Variants in SLC5A3 observed in about 807,000 individuals in gnomAD.
SLC5A3 encodes the protein solute carrier family 5 member 3.
Under a neutral mutation model 43.2 loss-of-function variants are expected in SLC5A3, and 10 were observed. That is an observed-to-expected ratio of 0.23 (90% CI 0.14 to 0.39). The LOEUF is 0.39. Ranked by LOEUF, SLC5A3 falls within the 10% of genes least tolerant of loss-of-function variation. The probability of loss-of-function intolerance (pLI) is 1.00; values close to 1 mark genes in which losing one functional copy is unlikely to be tolerated. For synonymous variants in SLC5A3, 349 were observed against 322.0 expected (o/e 1.08, Z -0.90); for missense variants, 608 against 893.4 (o/e 0.68, Z 4.07).
rs1428452230 is a variant in SLC5A3, at chr21:34,102,420, G to GT, written c.*5072dup. 1.0e-6 allele frequency: 1 copy of GT among 999,832 alleles called. No homozygotes were observed. The highest frequency in any genetic ancestry group is 1.2e-6 in the Non-Finnish European group (1 of 829,632). The allele number at this position is 999,832 out of a possible 1,614,324, so 61.9% of individuals were successfully genotyped here. On this transcript the variant is annotated 3_prime_UTR_variant, in exon 2 of 2. Coordinates refer to ENST00000381151, the MANE Select transcript of SLC5A3 (RefSeq NM_006933.7). ...AACTTCTTTATAAAAAGAGGGATTA[G>GT]TTTTTTTGTTTTGGGGTAAGCACCT...
At position 34,100,683 on chromosome 21, in the gene SLC5A3, G is replaced by A. The variant is rs1979196336; in HGVS notation, c.*3328G>A. ...AGAACTGAGTTGAGGGGGTTGTTAT[G>A]CACTTCTGTAACTTGAGGCTAAGCA... On this transcript the variant is annotated 3_prime_UTR_variant, in exon 2 of 2. Coordinates refer to ENST00000381151, the MANE Select transcript of SLC5A3 (RefSeq NM_006933.7). 4.0e-6 allele frequency: 4 copies of A among 1,000,214 alleles called. No individual in the cohort carries two copies. The highest frequency in any genetic ancestry group is 1.0e-3 in the Middle Eastern group (2 of 1,916). The allele number at this position is 1,000,214 out of a possible 1,614,324, so 62.0% of individuals were successfully genotyped here.
intron 1 of SLC5A3, among the ~76,000 whole-genome samples, chr21:34,074,277 A>T (rs1476150665): frequency 6.6e-6 from 1 of 151,864 alleles, no homozygotes; most frequent in Non-Finnish European, 1.5e-5. Flanking sequence ...GTTCCTCCAA[A>T]GCTTGTTTGT....
chr21:34,081,216 G>A (rs1479996422), intron 1 of SLC5A3, among the ~76,000 whole-genome samples: 1 of 152,046 alleles, frequency 6.6e-6, no homozygotes, highest in Admixed American at 6.5e-5. Context: ...ACTGGAAATT[G>A]TAGATAATGC....
chr21:34,077,440 C>T (rs909560485), intron 1 of SLC5A3, among the ~76,000 whole-genome samples: 2 of 152,088 alleles, frequency 1.3e-5, no homozygotes, highest in African/African-American at 4.8e-5. Context: ...TTATGAAAGC[C>T]CTGGGATAAT....
In SLC5A3 at chr21:34,099,698, A is replaced by C. The variant is rs1231356684; in HGVS notation, c.*2343A>C. 3 of 998,156 alleles carry C rather than the reference A, an allele frequency of 3.0e-6. No individual in the cohort carries two copies. The African/African-American group carries it at 5.2e-5, about 17-fold the overall frequency. 61.8% of individuals were successfully genotyped at this position (998,156 alleles called of 1,614,324 possible). On this transcript the variant is annotated 3_prime_UTR_variant, in exon 2 of 2. Transcript: ENST00000381151. ...TTCTGCTCTTGTCTTAGTAAGATACATAAGGTACATCATCTTGTGTCTGTG... is the reference window on the plus strand; with the variant it reads ...TTCTGCTCTTGTCTTAGTAAGATACCTAAGGTACATCATCTTGTGTCTGTG...
intron 1 of SLC5A3, among the ~76,000 whole-genome samples, chr21:34,074,949 C>T (rs1226675132): frequency 6.6e-6 from 1 of 152,230 alleles, no homozygotes; most frequent in Non-Finnish European, 1.5e-5. Context: ...TCCAGACAGC[C>T]TGGCCAGGCA....
chr21:34,104,447 G>A lies in SLC5A3; in HGVS notation c.*7092G>A, dbSNP rs540631380. 9.8e-5 allele frequency: 98 copies of A among 999,816 alleles called. No individual in the cohort carries two copies. In the East Asian group the frequency reaches 4.0e-3, roughly 40 times the overall value. The allele number at this position is 999,816 out of a possible 1,614,324, so 61.9% of individuals were successfully genotyped here. On this transcript the variant is annotated 3_prime_UTR_variant, in exon 2 of 2. Transcript: ENST00000381151. ...CTTAAATTTTGCCCATGTGTTAAAA[G>A]ATGTAATTCTCAGAATGGGAGAGAA...
At position 34,105,035 on chromosome 21, in the gene SLC5A3, TC is replaced by T. The variant is rs1318662490; in HGVS notation, c.*7681del. 16 of 999,950 alleles carry T rather than the reference TC, an allele frequency of 1.6e-5. No homozygotes were observed. Among genetic ancestry groups the T allele is most frequent in the Non-Finnish European group, 1.8e-5 (15 of 829,848 alleles). The allele number at this position is 999,950 out of a possible 1,614,324, so 61.9% of individuals were successfully genotyped here. ...CTCTAACTTTTGAGTGGCAAACAGA[TC>T]AAGTCTTTTGCTCATAGACTTTTCT... On this transcript the variant is annotated 3_prime_UTR_variant, in exon 2 of 2. Coordinates refer to ENST00000381151, the MANE Select transcript of SLC5A3 (RefSeq NM_006933.7).
chr21:34,080,571 A>G (rs1244237245), intron 1 of SLC5A3, among the ~76,000 whole-genome samples: 2 of 152,216 alleles, frequency 1.3e-5, no homozygotes, highest in African/African-American at 2.4e-5. Flanking sequence ...CATTAAACAA[A>G]TATCAAGGGC....
intron 1 of SLC5A3, among the ~76,000 whole-genome samples, chr21:34,075,910 CACA>C (rs1277099105): frequency 2.0e-5 from 3 of 152,218 alleles, no homozygotes; most frequent in African/African-American, 7.2e-5. Context: ...TGTGAGCTTG[CACA>C]CCGGTAGCAG....
rs536690857 is a variant in SLC5A3 at position 34,106,076 on chromosome 21, G to T, written c.*8721G>T. Reference sequence around the variant, plus strand: ...CTCTGTAAAATACACTGTTCTTTGTGTACTGTGTGTTATTTTGCCAGCTGC... The same window carrying T: ...CTCTGTAAAATACACTGTTCTTTGTTTACTGTGTGTTATTTTGCCAGCTGC... On this transcript the variant is annotated 3_prime_UTR_variant, in exon 2 of 2. Coordinates refer to ENST00000381151, the MANE Select transcript of SLC5A3 (RefSeq NM_006933.7). 340 of 998,502 alleles carry T rather than the reference G, an allele frequency of 3.4e-4. No individual in the cohort carries two copies. The South Asian group carries it at 7.0e-3, about 21-fold the overall frequency. The allele number at this position is 998,502 out of a possible 1,614,324, so 61.9% of individuals were successfully genotyped here.
At position 34,100,479 on chromosome 21, in the gene SLC5A3, G is replaced by A. The variant is rs1979185316; in HGVS notation, c.*3124G>A. The A allele has an allele frequency of 1.0e-6, 1 of 1,000,062 alleles. No individual in the cohort carries two copies. The allele number at this position is 1,000,062 out of a possible 1,614,324, so 61.9% of individuals were successfully genotyped here. On this transcript the variant is annotated 3_prime_UTR_variant, in exon 2 of 2. Coordinates refer to ENST00000381151, the MANE Select transcript of SLC5A3 (RefSeq NM_006933.7). ...AGCATCAAGCAATAGCAATGGTGCT[G>A]TGTCCTTCGGCCTAAATTCAATAGA...
rs1979340098 is a variant in SLC5A3, at chr21:34,103,479, G to A, written c.*6124G>A. ...ACTTATGTTCTGTGATCTTAATTTT[G>A]TTGTGTTTCCATTGTAGGTTGATAG... On this transcript the variant is annotated 3_prime_UTR_variant, in exon 2 of 2. Transcript: ENST00000381151. The A allele has an allele frequency of 1.0e-6, 1 of 998,642 alleles. No individual in the cohort carries two copies. The highest frequency in any genetic ancestry group is 6.2e-5 in the Admixed American group (1 of 16,222). 61.9% of individuals were successfully genotyped at this position (998,642 alleles called of 1,614,324 possible).
chr21:34,095,662 G>A lies in SLC5A3; in HGVS notation c.464G>A (p.Gly155Asp). 1 of 1,613,494 alleles carries A rather than the reference G, an allele frequency of 6.2e-7. No individual in the cohort carries two copies. Among genetic ancestry groups the A allele is most frequent in the Non-Finnish European group, 8.5e-7 (1 of 1,179,868 alleles). ...SGALFIQESL[G>D]WNLYVSVILL... ...GCCCTTTTTATCCAGGAGTCTTTGG[G>A]TTGGAATCTTTATGTGTCTGTCATC... Residue 155 changes from glycine to aspartate, a missense_variant, in exon 2 of 2, where the codon GGT (glycine) becomes GAT (aspartate). Coordinates refer to ENST00000381151, the MANE Select transcript of SLC5A3 (RefSeq NM_006933.7).
In SLC5A3 at chr21:34,095,158, C is replaced by A; in HGVS notation, c.-41C>A. The A allele has an allele frequency of 7.0e-7, 1 of 1,434,664 alleles. No homozygotes were observed. The highest frequency in any genetic ancestry group is 1.3e-5 in the South Asian group (1 of 75,054). 88.9% of individuals were successfully genotyped at this position (1,434,664 alleles called of 1,614,324 possible). On this transcript the variant is annotated 5_prime_UTR_variant, in exon 2 of 2. Coordinates refer to ENST00000381151, the MANE Select transcript of SLC5A3 (RefSeq NM_006933.7). ...TACTAAAAATAAATAAAAAGTTGGA[C>A]ACTTCTGTCATTGGAGCGCTATTAT... is the stretch of plus-strand genomic sequence containing the variant.
At position 34,077,316 on chromosome 21, in the gene SLC5A3, A is replaced by G. The variant is rs77904409; in HGVS notation, c.-337+3571A>G. On this transcript the variant is annotated intron_variant, in intron 1 of 1. Transcript: ENST00000381151. Reference sequence around the variant, plus strand: ...CTTTTTATGCCTTGGGTATACAGGAAGAAGAAATCTGAGGAAAGAAATCTG... The same window carrying G: ...CTTTTTATGCCTTGGGTATACAGGAGGAAGAAATCTGAGGAAAGAAATCTG... Among the ~76,000 whole-genome samples, 124 of 152,348 alleles carry G rather than the reference A, an allele frequency of 8.1e-4. No individual in the cohort carries two copies. The East Asian group carries it at 0.019, about 24-fold the overall frequency.
intron 1 of SLC5A3, among the ~76,000 whole-genome samples, chr21:34,093,509 G>A (rs1041604038): frequency 1.3e-5 from 2 of 151,966 alleles, no homozygotes; most frequent in African/African-American, 2.4e-5. Context: ...CTAATACTGT[G>A]GTCTGTTTTG....
At chr21:34,084,893 C>A (rs1235571193) in intron 1 of SLC5A3, among the ~76,000 whole-genome samples, 1 of 152,132 alleles carries the variant, frequency 6.6e-6, no homozygotes, top group Non-Finnish European at 1.5e-5. Context: ...TTGCCTAGAT[C>A]ACTAATTGTT....
chr21:34,094,550 C>G (rs1235567158), intron 1 of SLC5A3, among the ~76,000 whole-genome samples: 2 of 152,086 alleles, frequency 1.3e-5, no homozygotes, highest in Non-Finnish European at 2.9e-5. Context: ...CTGTCCTAAT[C>G]TGAGCATACC....
Sources: gnomAD v4.1 joint callset for allele counts (sites outside exome capture counted in the v4.1 genomes callset) on GRCh38, gnomAD v4.1.1 for gene constraint, MANE v1.5 for transcripts, NCBI Gene and HGNC (gene_info 2026-07-23, HGNC 2026-07-21) for gene names.